ACVR2A: variants seen among roughly 807,000 people sequenced by gnomAD.
ACVR2A encodes the protein activin receptor type-2A.
Under a neutral mutation model 61.4 loss-of-function variants are expected in ACVR2A, and 7 were observed. That is an observed-to-expected ratio of 0.11 (90% CI 0.06 to 0.21). The LOEUF is 0.21. Among genes scored for constraint, ACVR2A ranks in the 10% least tolerant of loss-of-function variants. ACVR2A has a pLI of 1.00. For missense variants in ACVR2A, 322 were observed against 621.7 expected (o/e 0.52, Z 5.13); for synonymous variants, 193 against 208.3 (o/e 0.93, Z 0.63).
At chr2:147,867,914 T>C (rs1032147343) in intron 1 of ACVR2A, among the ~76,000 whole-genome samples, 1 of 152,196 alleles carries the variant, frequency 6.6e-6, no homozygotes, top group Admixed American at 6.5e-5. Flanking sequence ...ACTCCGCTGA[T>C]TTTGTACTTC....
At chr2:147,926,749 A>G (rs1015464521) in intron 10 of ACVR2A, among the ~76,000 whole-genome samples, 2 of 151,950 alleles carry the variant, frequency 1.3e-5, no homozygotes, top group African/African-American at 4.8e-5. Flanking sequence ...GATATTAACT[A>G]AGAAAACAAT....
intron 1 of ACVR2A, among the ~76,000 whole-genome samples, chr2:147,875,016 T>C (rs924686758): frequency 2.6e-5 from 4 of 152,000 alleles, no homozygotes; most frequent in Admixed American, 6.6e-5. Context: ...TTTTATCTCT[T>C]TCATCCACAT....
intron 1 of ACVR2A, among the ~76,000 whole-genome samples, chr2:147,853,577 T>C (rs757013037): frequency 1.3e-5 from 2 of 152,100 alleles, no homozygotes; most frequent in Non-Finnish European, 2.9e-5. Context: ...ACACTGGGAA[T>C]TACTTTATTC....
chr2:147,866,899 G>A (rs1685869590), intron 1 of ACVR2A, among the ~76,000 whole-genome samples: 1 of 152,166 alleles, frequency 6.6e-6, no homozygotes, highest in Admixed American at 6.5e-5. Context: ...AATCAACTAG[G>A]CAGAATGAGG....
chr2:147,881,637 GTGTGTA>G (rs879641870), intron 1 of ACVR2A, among the ~76,000 whole-genome samples: 13,671 of 57,336 alleles, frequency 0.24, 1,276 homozygotes, highest in East Asian at 0.4. Flanking sequence ...GTGTGTGTGT[GTGTGTA>G]TGTGTGTGTG....
intron 1 of ACVR2A, among the ~76,000 whole-genome samples, chr2:147,871,399 G>T (rs1686012829): frequency 6.6e-6 from 1 of 151,980 alleles, no homozygotes; most frequent in Admixed American, 6.6e-5. Flanking sequence ...TAAATTCTAA[G>T]AACCTGAAGG....
At position 147,927,397 on chromosome 2, in the gene ACVR2A, A is replaced by C; in HGVS notation, c.*123A>C. 1 of 957,300 alleles carries C rather than the reference A, an allele frequency of 1.0e-6. No homozygotes were observed. 59.3% of individuals were successfully genotyped at this position (957,300 alleles called of 1,614,324 possible). A position where few individuals can be genotyped will look rare whatever the true frequency, so the allele number is the denominator to read the frequency against. The stretch of plus-strand genomic sequence containing the variant: ...AGGATGTCTCTTGGAAATGTTAAGA[A>C]AGAAGACCCTTTGTTGAAAAATGTT... On this transcript the variant is annotated 3_prime_UTR_variant, in exon 11 of 11. Transcript: ENST00000241416.
At chr2:147,918,793 G>A (rs749569139) in intron 7 of ACVR2A, among the ~76,000 whole-genome samples, 3 of 151,994 alleles carry the variant, frequency 2.0e-5, no homozygotes, top group Non-Finnish European at 4.4e-5. Context: ...TATTGGTAAA[G>A]TTTAATGATC....
intron 8 of ACVR2A, among the ~76,000 whole-genome samples, chr2:147,921,369 C>T (rs1687378013): frequency 6.6e-6 from 1 of 152,124 alleles, no homozygotes; most frequent in Non-Finnish European, 1.5e-5. Flanking sequence ...CCAGTTCAAC[C>T]TAAAAGGTGA....
At chr2:147,900,430 C>G (rs186783536) in intron 4 of ACVR2A, 3 of 152,374 alleles carry the variant, frequency 2.0e-5, no homozygotes, top group African/African-American at 7.2e-5. Context: ...CCTTTCTTAC[C>G]ATATGTTGTT....
Position 147,896,406 on chromosome 2 carries a change from A to T in ACVR2A, c.161A>T (p.Lys54Ile). 1 of 1,614,036 alleles carries T rather than the reference A, an allele frequency of 6.2e-7. No homozygotes were observed. Among genetic ancestry groups the T allele is most frequent in the South Asian group, 1.1e-5 (1 of 91,080 alleles). Residue 54 changes from lysine to isoleucine, a missense_variant, in exon 2 of 11, where the codon AAA becomes ATA. Coordinates refer to ENST00000241416, the MANE Select transcript of ACVR2A (RefSeq NM_001616.5). ...QTGVEPCYGD[K>I]DKRRHCFATW... ...GGTGTTGAACCGTGTTATGGTGACAAAGATAAACGGCGGCATTGTTTTGCT... is the reference window on the plus strand; with the variant it reads ...GGTGTTGAACCGTGTTATGGTGACATAGATAAACGGCGGCATTGTTTTGCT...
chr2:147,862,006 T>A (rs1011919103), intron 1 of ACVR2A, among the ~76,000 whole-genome samples: 2 of 152,182 alleles, frequency 1.3e-5, no homozygotes, highest in African/African-American at 4.8e-5. Context: ...CCTGAGATAA[T>A]GCAATTTGCC....
At chr2:147,924,249 T>C (rs1465773182) in intron 9 of ACVR2A, among the ~76,000 whole-genome samples, 3 of 152,144 alleles carry the variant, frequency 2.0e-5, no homozygotes, top group Non-Finnish European at 2.9e-5. Flanking sequence ...TTATAAGAAC[T>C]TTATTAATAT....
In ACVR2A at chr2:147,857,546, A is replaced by C. The variant is rs965565392; in HGVS notation, c.55+12339A>C. On this transcript the variant is annotated intron_variant, in intron 1 of 10. Coordinates refer to ENST00000241416, the MANE Select transcript of ACVR2A (RefSeq NM_001616.5). ...ATGGTTTTCTTTAAAAAAAAAAAAA[A>C]AAAAACAAAAAAACCCCTAACACTT... is the stretch of plus-strand genomic sequence containing the variant. 4.9e-4 allele frequency among the ~76,000 whole-genome samples: 74 copies of C among 151,700 alleles called. 1 individual carries two copies. The highest frequency in any genetic ancestry group is 1.2e-3 in the African/African-American group (51 of 41,436).
At chr2:147,909,381 G>GATGAATGA (rs764824252) in intron 4 of ACVR2A, among the ~76,000 whole-genome samples, 1 of 151,982 alleles carries the variant, frequency 6.6e-6, no homozygotes, top group South Asian at 2.1e-4. Context: ...AAATTTGTTG[G>GATGAATGA]ATGAATGAAT....
chr2:147,917,497 C>A (rs1465548056), intron 6 of ACVR2A, 71 bp downstream of exon 6: 2 of 1,495,702 alleles, frequency 1.3e-6, no homozygotes, highest in African/African-American at 2.8e-5. Context: ...GCTATAAATC[C>A]CTCAGAGTTA....
At chr2:147,853,453 A>G (rs1184344027) in intron 1 of ACVR2A, among the ~76,000 whole-genome samples, 1 of 152,044 alleles carries the variant, frequency 6.6e-6, no homozygotes, top group Non-Finnish European at 1.5e-5. Flanking sequence ...ACACTGTTCT[A>G]AGGAAGTAGA....
chr2:147,853,410 C>G (rs1685493465), intron 1 of ACVR2A, among the ~76,000 whole-genome samples: 1 of 151,984 alleles, frequency 6.6e-6, no homozygotes, highest in African/African-American at 2.4e-5. Context: ...AGATTATATT[C>G]TTTGAAATCT....
chr2:147,878,987 G>T (rs1156512), intron 1 of ACVR2A, among the ~76,000 whole-genome samples: 145,830 of 152,196 alleles, frequency 0.96, 70,179 homozygotes, highest in East Asian at 1. Context: ...ATTTTAATTT[G>T]TTAAGAGTTT....
Sources: allele counts gnomAD v4.1 joint callset (sites outside exome capture counted in the v4.1 genomes callset), GRCh38; gene constraint gnomAD v4.1.1; transcripts MANE v1.5; gene names NCBI Gene and HGNC (gene_info 2026-07-23, HGNC 2026-07-21).